Variants in ASH1L observed in about 807,000 individuals in gnomAD.
The protein encoded by ASH1L is ASH1 like histone lysine methyltransferase.
In ASH1L, 23 loss-of-function variants were observed where a neutral mutation model predicts 269.0. The ratio of observed to expected loss-of-function variants is 0.09; its 90% CI spans 0.06 to 0.12. ASH1L has a LOEUF of 0.12. ASH1L is among the 10% of genes least tolerant of loss of function. ASH1L has a pLI of 1.00. For missense variants in ASH1L, 2,912 were observed against 3,567.8 expected, an observed-to-expected ratio of 0.82 and a Z score of 4.68; for synonymous variants, 1,187 against 1,253.5, an observed-to-expected ratio of 0.95 and a Z score of 1.12.
At chr1:155,413,691 G>A (rs962991237) in intron 6 of ASH1L, among the ~76,000 whole-genome samples, 2 of 151,964 alleles carry the variant, frequency 1.3e-5, no homozygotes, top group African/African-American at 4.8e-5. Flanking sequence ...ACATCAAATG[G>A]CTGGACTCTA....
At chr1:155,432,009 A>G (rs1661649909) in intron 5 of ASH1L, among the ~76,000 whole-genome samples, 1 of 152,216 alleles carries the variant, frequency 6.6e-6, no homozygotes. Context: ...TTCCGAGTCT[A>G]GAAGCCCACC....
Position 155,378,536 on chromosome 1 carries a change from G to A in ASH1L, c.6190C>T (p.Pro2064Ser). Reference protein sequence around the residue: ...QWKHNQLYKKPDVPLYKKIRS... With the variant: ...QWKHNQLYKKSDVPLYKKIRS... ...ATTTTCTTATATAGTGGGACATCTG[G>A]CTTTTTGTATAGCTAGAAGAAAAGA... Residue 2064 changes from proline to serine, a missense_variant, in exon 9 of 28, where the codon CCA becomes TCA. Coordinates refer to ENST00000392403, the MANE Select transcript of ASH1L (RefSeq NM_018489.3). The A allele has an allele frequency of 6.2e-7, 1 of 1,612,588 alleles. No homozygotes were observed. Among genetic ancestry groups the A allele is most frequent in the Non-Finnish European group, 8.5e-7 (1 of 1,179,424 alleles).
Position 155,347,846 on chromosome 1 carries a change from T to C in ASH1L, c.7613A>G (p.Tyr2538Cys), listed in dbSNP as rs1214367566. The C allele has an allele frequency of 2.5e-6, 4 of 1,614,238 alleles. No homozygotes were observed. Among genetic ancestry groups the C allele is most frequent in the East Asian group, 2.2e-5 (1 of 44,888 alleles). ...GRDVCRLRKAYYNARHEASAQ... is the reference protein window; with the variant it reads ...GRDVCRLRKACYNARHEASAQ... Reference sequence around the variant, plus strand: ...TGATGCCTCATGCCGGGCATTGTAATAGGCCTTTCGTAGACGACAAACATC... The same window carrying C: ...TGATGCCTCATGCCGGGCATTGTAACAGGCCTTTCGTAGACGACAAACATC... The change falls in exon 20 of 28, where the codon TAT (tyrosine) becomes TGT (cysteine). Residue 2538 changes from tyrosine (Y) to cysteine (C), a missense_variant. Coordinates refer to ENST00000392403, the MANE Select transcript of ASH1L (RefSeq NM_018489.3).
intron 6 of ASH1L, among the ~76,000 whole-genome samples, chr1:155,400,566 C>T (rs1202538513): frequency 6.6e-6 from 1 of 152,094 alleles, no homozygotes; most frequent in Non-Finnish European, 1.5e-5. Context: ...ATAACTTGCC[C>T]AAATTCATAT....
chr1:155,517,793 CTTTTTT>C (rs780065449), intron 2 of ASH1L, among the ~76,000 whole-genome samples: 3 of 70,938 alleles, frequency 4.2e-5, no homozygotes, highest in East Asian at 5.6e-4. Context: ...CCAATAATTT[CTTTTTT>C]TTTTTTTTTT....
At chr1:155,382,790 A>G (rs1657096459) in intron 7 of ASH1L, among the ~76,000 whole-genome samples, 1 of 151,940 alleles carries the variant, frequency 6.6e-6, no homozygotes, top group Non-Finnish European at 1.5e-5. Context: ...CAATAGCAGG[A>G]TCATGGCTCA....
At position 155,478,206 on chromosome 1, in the gene ASH1L, T is replaced by C. The variant is rs770465963; in HGVS notation, c.4664A>G (p.Gln1555Arg). ...PSKSLINREE[Q>R]WVHREPSESS... ...TTCTGAAGGCTCTCGGTGGACCCAC[T>C]GTTCCTCTCTGTTTATTAAGCTTTT... Residue 1555 changes from glutamine to arginine, a missense_variant, in exon 3 of 28, where the codon CAG becomes CGG. By Grantham distance (43) the Gln-to-Arg change is conservative (BLOSUM62 1). Transcript: ENST00000392403. This position sits in a 1 kb window ranked among gnomAD's most constrained non-coding sequence, Gnocchi z 4.6. 1.2e-6 allele frequency: 2 copies of C among 1,613,652 alleles called. No individual in the cohort carries two copies. The highest frequency in any genetic ancestry group is 2.7e-5 in the African/African-American group (2 of 74,786).
intron 1 of ASH1L, among the ~76,000 whole-genome samples, chr1:155,551,828 T>C (rs1671237345): frequency 1.4e-5 from 2 of 145,980 alleles, no homozygotes; most frequent in South Asian, 4.4e-4. Flanking sequence ...AAAAAAAAAT[T>C]AGCCGGGCGT....
At chr1:155,562,806 CCTCCTCCTCCTCCACCTCCTCTTCT>C (rs1192829060), upstream of ASH1L, 1 of 614,176 alleles carries the variant, frequency 1.6e-6, no homozygotes, top group African/African-American at 1.8e-5. Flanking sequence ...CAAGCCTCCT[CCTCCTCCTCCTCCACCTCCTCTTCT>C]CTCCTCCCCC....
At chr1:155,352,563 G>T in intron 17 of ASH1L, 143 bp downstream of exon 17, 1 of 704,882 alleles carries the variant, frequency 1.4e-6, no homozygotes, top group Non-Finnish European at 2.1e-6. Flanking sequence ...CCAGCACTTT[G>T]GGAGGCCTAG....
rs1665774657 is a variant in ASH1L, at chr1:155,479,118, T to C, written c.3752A>G (p.Lys1251Arg). 8 of 1,614,126 alleles carry C rather than the reference T, an allele frequency of 5.0e-6. No individual in the cohort carries two copies. The highest frequency in any genetic ancestry group is 1.3e-5 in the African/African-American group (1 of 75,024). Reference sequence around the variant, plus strand: ...GTAATCATGATTCCTGCGCTTACATTTGTGTTTATGTTTTTCTTTAAGACT... The same window carrying C: ...GTAATCATGATTCCTGCGCTTACATCTGTGTTTATGTTTTTCTTTAAGACT... ...LSSLKEKHKH[K>R]CKRRNHDYLS... is the part of the protein sequence containing the mutation. The change falls in exon 3 of 28, where the codon AAA becomes AGA. Residue 1251 changes from lysine to arginine, a missense_variant. Physicochemically the swap from Lys to Arg is conservative, Grantham distance 26. Around this residue, in one of 13 missense-constraint regions of ASH1L, gnomAD observed 789 missense variants for 897.6 expected, o/e 0.88. Coordinates refer to ENST00000392403, the MANE Select transcript of ASH1L (RefSeq NM_018489.3).
Position 155,438,799 on chromosome 1 carries a change from A to C in ASH1L, c.5356T>G (p.Leu1786Val). Residue 1786 changes from leucine to valine, a missense_variant, in exon 5 of 28, where the codon TTG becomes GTG. Leu to Val is a conservative substitution (Grantham distance 32). This residue lies in a region of ASH1L where 789 missense variants were observed against 897.6 expected (regional missense o/e 0.88). Coordinates refer to ENST00000392403, the MANE Select transcript of ASH1L (RefSeq NM_018489.3). ...NNSISLLSEK[L>V]TSSCSPHHIK... ...TGATGGGGGGAACAGCTGCTTGTCA[A>C]CTTTTCAGATAGGAGTGAGATGCTA... 6.2e-7 allele frequency: 1 copy of C among 1,614,164 alleles called. No individual in the cohort carries two copies. The highest frequency in any genetic ancestry group is 8.5e-7 in the Non-Finnish European group (1 of 1,180,046).
intron 10 of ASH1L, among the ~76,000 whole-genome samples, chr1:155,371,807 C>CCTCA (rs1655975942): frequency 6.6e-6 from 1 of 151,266 alleles, no homozygotes. Flanking sequence ...GATTCTCCTG[C>CCTCA]CTCAGCCTCC....
chr1:155,421,398 C>T (rs1379586826), intron 5 of ASH1L, among the ~76,000 whole-genome samples: 1 of 139,596 alleles, frequency 7.2e-6, no homozygotes, highest in Non-Finnish European at 1.5e-5. Flanking sequence ...TAAGGCCAGG[C>T]ATGGTGGCTC....
upstream of ASH1L, chr1:155,563,075 C>T (rs1672163008): frequency 4.4e-6 from 2 of 458,668 alleles, no homozygotes; most frequent in African/African-American, 4.0e-5. Flanking sequence ...CAACCTACCT[C>T]CCTGGGCTCC....
At chr1:155,352,681 C>T (rs374371536) in intron 17 of ASH1L, 25 bp downstream of exon 17, 25 of 1,548,228 alleles carry the variant, frequency 1.6e-5, no homozygotes, top group East Asian at 4.6e-5. Context: ...AAAAAAAGAA[C>T]GAATTTGAAG....
intron 20 of ASH1L, 95 bp downstream of exon 20, chr1:155,347,561 T>C: frequency 6.5e-7 from 1 of 1,531,496 alleles, no homozygotes; most frequent in South Asian, 1.2e-5. Flanking sequence ...ATAAACAGTC[T>C]TTCAAGCCAA....
At chr1:155,485,045 G>C (rs1254947107) in intron 2 of ASH1L, among the ~76,000 whole-genome samples, 1 of 151,444 alleles carries the variant, frequency 6.6e-6, no homozygotes, top group Non-Finnish European at 1.5e-5. Flanking sequence ...GATCACCTGA[G>C]GTCAGGAGTT....
intron 7 of ASH1L, among the ~76,000 whole-genome samples, chr1:155,385,925 G>A (rs1161380058): frequency 6.6e-6 from 1 of 152,104 alleles, no homozygotes; most frequent in Non-Finnish European, 1.5e-5. Context: ...TGACATTGTG[G>A]TGGGGTAGTT....
Sources: gnomAD v4.1 joint callset for allele counts (sites outside exome capture counted in the v4.1 genomes callset) on GRCh38, gnomAD v4.1.1 for gene constraint, gnomAD v4.1.1 regional missense constraint, Gnocchi (gnomAD v3.1) non-coding constraint, MANE v1.5 for transcripts, NCBI Gene and HGNC (gene_info 2026-07-23, HGNC 2026-07-21) for gene names.